The following ADGRB3 variants were observed in gnomAD, a reference collection of about 807,000 sequenced individuals.
ADGRB3 encodes the protein brain-specific angiogenesis inhibitor 3.
ADGRB3 carries 37 observed loss-of-function variants against 193.4 expected under a neutral mutation model. The observed-to-expected ratio is 0.19, with a 90% CI of 0.15 to 0.25. The LOEUF (loss-of-function observed/expected upper bound fraction) is 0.25, where lower values mean the gene tolerates loss of function less well. Ranked by LOEUF, ADGRB3 falls within the 10% of genes least tolerant of loss-of-function variation. The pLI, the probability that ADGRB3 is intolerant of heterozygous loss-of-function variation, is 1.00. For missense variants in ADGRB3, 1,637 were observed against 1,852.9 expected (o/e 0.88, Z 2.14); for synonymous variants, 690 against 644.2 (o/e 1.07, Z -1.08).
intron 3 of ADGRB3, among the ~76,000 whole-genome samples, chr6:68,782,110 A>G (rs1266484204): frequency 7.8e-6 from 1 of 128,742 alleles, no homozygotes; most frequent in Non-Finnish European, 1.7e-5. Flanking sequence ...TCCTAATGCT[A>G]TCCCTCCCCC....
At chr6:69,114,367 C>G (rs572055846) in intron 17 of ADGRB3, among the ~76,000 whole-genome samples, 2 of 152,014 alleles carry the variant, frequency 1.3e-5, no homozygotes, top group African/African-American at 4.8e-5. Flanking sequence ...TTGTTTTTTT[C>G]TTGTAAATTT....
intron 13 of ADGRB3, among the ~76,000 whole-genome samples, chr6:69,027,710 G>C (rs972666917): frequency 6.6e-6 from 1 of 152,126 alleles, no homozygotes; most frequent in Non-Finnish European, 1.5e-5. Flanking sequence ...ACTCAGGTGG[G>C]AGAACAGAGG....
intron 3 of ADGRB3, 28 bp downstream of exon 3, chr6:68,639,460 G>T: frequency 6.4e-7 from 1 of 1,561,264 alleles, no homozygotes; most frequent in Non-Finnish European, 8.6e-7. Context: ...GGGAAGGTGA[G>T]CGGGGGAGCA....
chr6:69,045,340 G>C (rs1192822763), intron 13 of ADGRB3, among the ~76,000 whole-genome samples: 1 of 152,008 alleles, frequency 6.6e-6, no homozygotes, highest in Non-Finnish European at 1.5e-5. Context: ...CTAGCGTAGA[G>C]GTAAATATGT....
At chr6:69,249,166 T>C (rs1766564843) in intron 20 of ADGRB3, among the ~76,000 whole-genome samples, 1 of 152,044 alleles carries the variant, frequency 6.6e-6, no homozygotes, top group Non-Finnish European at 1.5e-5. Context: ...TTAGTAGAGA[T>C]GGAGTTTCAC....
intron 10 of ADGRB3, among the ~76,000 whole-genome samples, chr6:68,981,863 T>TATTTATTG (rs1768922577): frequency 1.5e-5 from 2 of 136,176 alleles, no homozygotes; most frequent in Non-Finnish European, 3.2e-5. Flanking sequence ...TTTATTTATT[T>TATTTATTG]ATTTATTTAT....
chr6:69,005,428 A>G (rs916875122), intron 11 of ADGRB3, among the ~76,000 whole-genome samples: 4 of 152,020 alleles, frequency 2.6e-5, no homozygotes, highest in South Asian at 2.1e-4. Flanking sequence ...ACTCTCTTAC[A>G]TCATGGCAAA....
At chr6:68,672,719 T>G (rs547554169) in intron 3 of ADGRB3, among the ~76,000 whole-genome samples, 13 of 152,200 alleles carry the variant, frequency 8.5e-5, no homozygotes, top group Non-Finnish European at 1.5e-4. Flanking sequence ...TACCCAGGTT[T>G]TGGTCAAACA....
intron 15 of ADGRB3, among the ~76,000 whole-genome samples, chr6:69,057,423 T>G (rs1189207051): frequency 6.6e-6 from 1 of 152,060 alleles, no homozygotes; most frequent in Non-Finnish European, 1.5e-5. Context: ...TTGCTGTTTG[T>G]AGGACTTCTA....
At chr6:69,061,769 GTTAAAA>G (rs1221666986) in intron 15 of ADGRB3, among the ~76,000 whole-genome samples, 2 of 152,114 alleles carry the variant, frequency 1.3e-5, no homozygotes, top group Non-Finnish European at 2.9e-5. Context: ...AATGAATTAA[GTTAAAA>G]TTAAAACAGC....
chr6:69,383,401 T>A (rs1434152267), intron 31 of ADGRB3, among the ~76,000 whole-genome samples: 1 of 151,998 alleles, frequency 6.6e-6, no homozygotes, highest in South Asian at 2.1e-4. Flanking sequence ...CGTACACACA[T>A]CAACACTGGG....
At chr6:68,948,739 A>T (rs1270651474) in intron 6 of ADGRB3, among the ~76,000 whole-genome samples, 2 of 152,106 alleles carry the variant, frequency 1.3e-5, no homozygotes, top group Non-Finnish European at 2.9e-5. Flanking sequence ...GAGTATAAAT[A>T]ATATAGGGGA....
chr6:68,809,049 G>A (rs2127374736), intron 3 of ADGRB3, among the ~76,000 whole-genome samples: 1 of 141,444 alleles, frequency 7.1e-6, no homozygotes, highest in Non-Finnish European at 1.5e-5. Context: ...CCAAACCCTG[G>A]CCTGATTTTT....
At chr6:68,939,908 G>T (rs1349579892) in intron 5 of ADGRB3, among the ~76,000 whole-genome samples, 1 of 152,052 alleles carries the variant, frequency 6.6e-6, no homozygotes, top group East Asian at 1.9e-4. Flanking sequence ...CACAATAAAT[G>T]AACAAATTGA....
intron 3 of ADGRB3, among the ~76,000 whole-genome samples, chr6:68,886,489 T>C (rs1338992654): frequency 6.6e-6 from 1 of 152,112 alleles, no homozygotes; most frequent in Non-Finnish European, 1.5e-5. Context: ...TTCTTTTTAT[T>C]CACTAACAGC....
chr6:69,048,315 C>T lies in ADGRB3; in HGVS notation c.2238C>T (p.Phe746=). ...EDRVVIPKSI[F]TPVSSKELDE... ...GGGTAGTAATTCCAAAAAGCATTTT[C>T]ACTCCGGTGTCATCAAAAGGTAAAT... Residue 746 remains phenylalanine (F), a synonymous_variant, in exon 14 of 32, where the codon TTC becomes TTT. Coordinates refer to ENST00000370598, the MANE Select transcript of ADGRB3 (RefSeq NM_001704.3). 1.2e-6 allele frequency: 2 copies of T among 1,613,430 alleles called. No homozygotes were observed. The highest frequency in any genetic ancestry group is 1.7e-6 in the Non-Finnish European group (2 of 1,179,630).
intron 3 of ADGRB3, among the ~76,000 whole-genome samples, chr6:68,666,810 T>C (rs1768813264): frequency 1.3e-5 from 2 of 151,718 alleles, no homozygotes; most frequent in East Asian, 1.9e-4. Flanking sequence ...AAAAAAGAAA[T>C]GATAAATGAC....
intron 17 of ADGRB3, among the ~76,000 whole-genome samples, chr6:69,103,293 T>G (rs1773117214): frequency 6.6e-6 from 1 of 152,158 alleles, no homozygotes; most frequent in African/African-American, 2.4e-5. Context: ...TGCTACAGTA[T>G]TTGCTGAAAT....
chr6:69,199,052 G>A (rs1765359980), intron 17 of ADGRB3, among the ~76,000 whole-genome samples: 1 of 152,122 alleles, frequency 6.6e-6, no homozygotes, highest in Non-Finnish European at 1.5e-5. Flanking sequence ...GACACCAGTG[G>A]AGGTGAAGCA....
Sources: allele counts gnomAD v4.1 joint callset (sites outside exome capture counted in the v4.1 genomes callset), GRCh38; gene constraint gnomAD v4.1.1; transcripts MANE v1.5; gene names NCBI Gene and HGNC (gene_info 2026-07-23, HGNC 2026-07-21).